The following GRIN2D variants were observed in gnomAD, a reference collection of about 807,000 sequenced individuals.
GRIN2D encodes the protein glutamate receptor ionotropic, NMDA 2D.
In GRIN2D, 37 loss-of-function variants were observed where a neutral mutation model predicts 103.2. That is an observed-to-expected ratio of 0.36 (90% CI 0.28 to 0.47). The LOEUF is 0.47. Among genes scored for constraint, GRIN2D ranks in the 20% least tolerant of loss-of-function variants. The pLI is 1.00. For synonymous variants in GRIN2D, 845 were observed against 885.6 expected (o/e 0.95, Z 0.81); for missense variants, 1,557 against 1,910.6 (o/e 0.81, Z 3.45).
intron 2 of GRIN2D, among the ~76,000 whole-genome samples, chr19:48,396,351 G>T (rs1403737470): frequency 6.6e-6 from 1 of 151,916 alleles, no homozygotes; most frequent in African/African-American, 2.4e-5. Flanking sequence ...TGCAGCCCCC[G>T]TGAGAAGGGT....
intron 8 of GRIN2D, among the ~76,000 whole-genome samples, chr19:48,418,119 C>T (rs550316562): frequency 7.9e-5 from 12 of 151,412 alleles, no homozygotes; most frequent in African/African-American, 2.9e-4. Flanking sequence ...CTGCAACCTC[C>T]ACCTCCTGGG....
intron 4 of GRIN2D, among the ~76,000 whole-genome samples, chr19:48,413,278 T>C (rs1600977632): frequency 7.0e-6 from 1 of 141,882 alleles, no homozygotes; most frequent in South Asian, 2.3e-4. Flanking sequence ...TCAGGAGTTC[T>C]AGACCAGTCT....
At chr19:48,438,253 C>A (rs868037591) in intron 11 of GRIN2D, among the ~76,000 whole-genome samples, 29 of 143,420 alleles carry the variant, frequency 2.0e-4, no homozygotes, top group African/African-American at 6.5e-4. Context: ...TCTGGAAGAT[C>A]CTTTGGCTTC....
intron 2 of GRIN2D, among the ~76,000 whole-genome samples, chr19:48,397,682 G>A (rs1019646202): frequency 2.6e-5 from 4 of 151,506 alleles, no homozygotes; most frequent in Non-Finnish European, 4.4e-5. Context: ...TCCTGTTTCT[G>A]TCACTCCGTC....
chr19:48,397,339 T>C (rs1395921991), intron 2 of GRIN2D, among the ~76,000 whole-genome samples: 1 of 151,974 alleles, frequency 6.6e-6, no homozygotes, highest in South Asian at 2.1e-4. Context: ...TTTCTCTCCC[T>C]TTTCCTCCCT....
Position 48,442,628 on chromosome 19 carries a change from C to T in GRIN2D, c.2702C>T (p.Ala901Val). 6.7e-7 allele frequency: 1 copy of T among 1,494,236 alleles called. No homozygotes were observed. Among genetic ancestry groups the T allele is most frequent in the East Asian group, 2.5e-5 (1 of 39,524 alleles). The allele number at this position is 1,494,236 out of a possible 1,614,324, so 92.6% of individuals were successfully genotyped here. A position where few individuals can be genotyped will look rare whatever the true frequency, so the allele number is the denominator to read the frequency against. Residue 901 changes from alanine (A) to valine (V), a missense_variant, in exon 14 of 14, where the codon GCC becomes GTC. By Grantham distance (64) the Ala-to-Val change is moderately conservative. Coordinates refer to ENST00000263269, the MANE Select transcript of GRIN2D (RefSeq NM_000836.4). The surrounding 1 kb of genome is among the most constrained non-coding windows in gnomAD (Gnocchi z 7.2). ...RGMYSCCSAE[A>V]APPPAKPPPP... is the part of the protein sequence containing the mutation. ...ATGTACAGCTGCTGCAGCGCTGAGG[C>T]CGCCCCACCGCCCGCCAAGCCCCCG...
intron 2 of GRIN2D, among the ~76,000 whole-genome samples, chr19:48,397,787 GCTC>G (rs1179579373): frequency 6.6e-6 from 1 of 150,692 alleles, no homozygotes; most frequent in African/African-American, 2.4e-5. Flanking sequence ...GCCTCTCTCT[GCTC>G]CTATCTTGAT....
At position 48,414,147 on chromosome 19, in the gene GRIN2D, G is replaced by A. The variant is rs1487990673; in HGVS notation, c.1200+42G>A. 5 of 1,212,326 alleles carry A rather than the reference G, an allele frequency of 4.1e-6. No homozygotes were observed. The East Asian group carries it at 9.3e-5, about 23-fold the overall frequency. 75.1% of individuals were successfully genotyped at this position (1,212,326 alleles called of 1,614,324 possible). Reference sequence around the variant, plus strand: ...GACCTCAGGCATGGCAGAGGGTGTGGACTCCTGCATCCTGGCAGAGGGGGG... The same window carrying A: ...GACCTCAGGCATGGCAGAGGGTGTGAACTCCTGCATCCTGGCAGAGGGGGG... On this transcript the variant is annotated intron_variant, in intron 5 of 13. Transcript: ENST00000263269. This position sits in a 1 kb window ranked among gnomAD's most constrained non-coding sequence, Gnocchi z 4.6.
At chr19:48,419,522 T>G in intron 9 of GRIN2D, 63 bp from the exon 10 acceptor site, 1 of 1,436,598 alleles carries the variant, frequency 7.0e-7, no homozygotes, top group South Asian at 1.2e-5. Flanking sequence ...TTTCTTTTTT[T>G]TTTTTTCCCT....
chr19:48,441,678 C>G (rs867363583), intron 11 of GRIN2D, 91 bp from the exon 12 acceptor site: 8 of 975,882 alleles, frequency 8.2e-6, no homozygotes, highest in Non-Finnish European at 1.2e-5. Context: ...GGATTTGGAG[C>G]AGTTGGAGGT....
chr19:48,395,848 G>GCTGGGGAC (rs1970633365), intron 2 of GRIN2D, among the ~76,000 whole-genome samples: 4 of 152,072 alleles, frequency 2.6e-5, no homozygotes, highest in Non-Finnish European at 2.9e-5. Context: ...GAAGAGGGGA[G>GCTGGGGAC]CTGGGGACCT....
At chr19:48,398,928 A>T in intron 3 of GRIN2D, 71 bp downstream of exon 3, 2 of 585,090 alleles carry the variant, frequency 3.4e-6, no homozygotes, top group Non-Finnish European at 4.4e-6. Flanking sequence ...GGACTGGGAC[A>T]GCCAGCGGGG....
chr19:48,427,244 C>G (rs1271292964), intron 11 of GRIN2D, among the ~76,000 whole-genome samples: 1 of 151,786 alleles, frequency 6.6e-6, no homozygotes, highest in Non-Finnish European at 1.5e-5. Flanking sequence ...CTGCATGAGC[C>G]CTGGAGGCAG....
intron 7 of GRIN2D, among the ~76,000 whole-genome samples, 183 bp downstream of exon 7, chr19:48,415,215 CA>C (rs1187527298): frequency 6.6e-6 from 1 of 151,622 alleles, no homozygotes; most frequent in African/African-American, 2.4e-5. Context: ...TACTAAAATG[CA>C]AAAAATTAGC....
chr19:48,430,771 T>C (rs1415393951), intron 11 of GRIN2D, among the ~76,000 whole-genome samples: 2 of 152,086 alleles, frequency 1.3e-5, no homozygotes, highest in Non-Finnish European at 1.5e-5. Flanking sequence ...ATTAATATAC[T>C]TAATATGTTA....
At chr19:48,403,969 G>T (rs1278490765) in intron 3 of GRIN2D, among the ~76,000 whole-genome samples, 2 of 152,228 alleles carry the variant, frequency 1.3e-5, no homozygotes, top group East Asian at 3.8e-4. Flanking sequence ...GCCAGGCACA[G>T]TGGCTCACGC....
In GRIN2D at chr19:48,394,626, A is replaced by G. The variant is rs537854883; in HGVS notation, c.-305-32A>G. 1.7e-3 allele frequency among the ~76,000 whole-genome samples: 261 copies of G among 152,270 alleles called. 1 individual carries two copies. The highest frequency in any genetic ancestry group is 3.0e-3 in the Non-Finnish European group (203 of 68,002). ...CGGGGCGGCAAGAGGACACCCCGAC[A>G]GCCTCTGCAATGTCCGGGGCCCAAC... On this transcript the variant is annotated intron_variant, in intron 1 of 13. Transcript: ENST00000263269. The surrounding 1 kb of genome is among the most constrained non-coding windows in gnomAD (Gnocchi z 5.1).
At chr19:48,401,733 A>G (rs923400473) in intron 3 of GRIN2D, among the ~76,000 whole-genome samples, 1 of 152,202 alleles carries the variant, frequency 6.6e-6, no homozygotes, top group East Asian at 1.9e-4. Context: ...TTGAGAAGGG[A>G]TGTGATCCAA....
Position 48,421,748 on chromosome 19 carries a change from G to T in GRIN2D, c.2092-37G>T. The T allele has an allele frequency of 6.3e-7, 1 of 1,589,020 alleles. No homozygotes were observed. Among genetic ancestry groups the T allele is most frequent in the Non-Finnish European group, 8.6e-7 (1 of 1,160,734 alleles). ...GGTGATTTATGTTAGGGATGTCCCT[G>T]CGGAGGGTGCCCTAATCACTCCCCA... On this transcript the variant is annotated intron_variant, in intron 10 of 13. Transcript: ENST00000263269. The surrounding 1 kb of genome is among the most constrained non-coding windows in gnomAD (Gnocchi z 4.8).
Sources: allele counts gnomAD v4.1 joint callset (sites outside exome capture counted in the v4.1 genomes callset), GRCh38; gene constraint gnomAD v4.1.1; non-coding constraint Gnocchi (gnomAD v3.1); transcripts MANE v1.5; gene names NCBI Gene and HGNC (gene_info 2026-07-23, HGNC 2026-07-21).